The following EXOC6 variants were observed in gnomAD, a reference collection of about 807,000 sequenced individuals.
The protein encoded by EXOC6 is exocyst complex component 6.
EXOC6 carries 60 observed loss-of-function variants against 112.5 expected under a neutral mutation model. That is an observed-to-expected ratio of 0.53 (90% CI 0.43 to 0.66). The LOEUF (loss-of-function observed/expected upper bound fraction) is 0.66. Ranked by LOEUF, EXOC6 falls within the 30% of genes least tolerant of loss-of-function variation. The probability of loss-of-function intolerance (pLI) is 0.00; values close to 1 mark genes in which losing one functional copy is unlikely to be tolerated. For synonymous variants in EXOC6, 295 were observed against 308.0 expected (o/e 0.96, Z 0.44); for missense variants, 855 against 957.1 (o/e 0.89, Z 1.41).
intron 18 of EXOC6, chr10:92,987,521 A>T (rs936800765): frequency 1.2e-5 from 5 of 406,236 alleles, no homozygotes; most frequent in African/African-American, 1.1e-4. Context: ...GTTTTAGAGT[A>T]TATTCCCTTT....
intron 1 of EXOC6, among the ~76,000 whole-genome samples, chr10:92,887,266 C>G (rs746487901): frequency 4.6e-5 from 7 of 151,936 alleles, no homozygotes; most frequent in African/African-American, 9.7e-5. Context: ...TTTCTTGCCT[C>G]TCTCCATTCA....
chr10:93,044,943 G>A (rs1217023646), intron 20 of EXOC6, among the ~76,000 whole-genome samples: 2 of 152,100 alleles, frequency 1.3e-5, no homozygotes, highest in Non-Finnish European at 2.9e-5. Flanking sequence ...TGCAATCTCG[G>A]CTCACTGCAA....
At chr10:93,046,876 G>A (rs1479462888) in intron 20 of EXOC6, among the ~76,000 whole-genome samples, 1 of 152,148 alleles carries the variant, frequency 6.6e-6, no homozygotes, top group African/African-American at 2.4e-5. Flanking sequence ...GGGATTACAG[G>A]TGTGAGCCAC....
chr10:92,847,424 G>T (rs1473770115), upstream of EXOC6, among the ~76,000 whole-genome samples: 1 of 152,214 alleles, frequency 6.6e-6, no homozygotes, highest in Non-Finnish European at 1.5e-5. Context: ...CAGGATGTTT[G>T]TGGGGAGGAG....
chr10:93,002,699 G>A (rs967640005), intron 19 of EXOC6, among the ~76,000 whole-genome samples: 1 of 152,150 alleles, frequency 6.6e-6, no homozygotes, highest in East Asian at 1.9e-4. Context: ...TCACAGTTTG[G>A]CATCTTGCTC....
In EXOC6 at chr10:93,007,318, C is replaced by A. The variant is rs1198949211; in HGVS notation, c.2096-6876C>A. 4.0e-5 allele frequency among the ~76,000 whole-genome samples: 6 copies of A among 151,618 alleles called. No individual in the cohort carries two copies. The East Asian group carries it at 1.2e-3, about 29-fold the overall frequency. On this transcript the variant is annotated intron_variant, in intron 19 of 21. Transcript: ENST00000260762. ...TTTTTTTTTATATATACAAATAACT[C>A]ATGTTTTGCCTACAGGTATTCTTTG...
intron 20 of EXOC6, among the ~76,000 whole-genome samples, chr10:93,042,706 T>A (rs1590097056): frequency 6.6e-6 from 1 of 152,182 alleles, no homozygotes; most frequent in Non-Finnish European, 1.5e-5. Context: ...AGTCACTCGA[T>A]CTGTGGTACT....
At chr10:92,830,339 A>C (rs1357692336), upstream of EXOC6, among the ~76,000 whole-genome samples, 1 of 152,146 alleles carries the variant, frequency 6.6e-6, no homozygotes, top group Non-Finnish European at 1.5e-5. Flanking sequence ...GAATAAACTT[A>C]CTTAAAAAAA....
chr10:92,877,011 TAATAGA>T (rs1163383993), intron 1 of EXOC6, among the ~76,000 whole-genome samples: 1 of 152,218 alleles, frequency 6.6e-6, no homozygotes, highest in Non-Finnish European at 1.5e-5. Flanking sequence ...AGAGCAAGGC[TAATAGA>T]ATCTGCGTAA....
At chr10:92,943,095 C>T (rs963033955) in intron 13 of EXOC6, among the ~76,000 whole-genome samples, 3 of 151,166 alleles carry the variant, frequency 2.0e-5, no homozygotes, top group Admixed American at 1.3e-4. Context: ...GACCTCGGCT[C>T]ACTGCAATCT....
chr10:92,947,762 A>G lies in EXOC6; in HGVS notation c.1311-512A>G, dbSNP rs377195413. Among the ~76,000 whole-genome samples the G allele has an allele frequency of 7.9e-5, 12 of 152,258 alleles. No homozygotes were observed. In the South Asian group the frequency reaches 2.5e-3, roughly 32 times the overall value. ...TTCTTTACTAAAAATAAAATTAGCCAGGCGTGGTGGCACGCGCCTGTAGTC... is the reference window on the plus strand; with the variant it reads ...TTCTTTACTAAAAATAAAATTAGCCGGGCGTGGTGGCACGCGCCTGTAGTC... On this transcript the variant is annotated intron_variant, in intron 13 of 21. Transcript: ENST00000260762.
At chr10:92,966,164 A>G (rs1203887265) in intron 17 of EXOC6, among the ~76,000 whole-genome samples, 2 of 152,044 alleles carry the variant, frequency 1.3e-5, no homozygotes, top group African/African-American at 4.8e-5. Flanking sequence ...TGACAATAAC[A>G]AAAAGCAATA....
rs750975625 is a variant in EXOC6, at chr10:92,859,234, G to T, written c.101+10600G>T. Reference sequence around the variant, plus strand: ...TCATGGGGCAGGTTGTTGTTTGTGTGCTTGTTTAGTGGCTTGTTTGGACTA... The same window carrying T: ...TCATGGGGCAGGTTGTTGTTTGTGTTCTTGTTTAGTGGCTTGTTTGGACTA... On this transcript the variant is annotated intron_variant, in intron 1 of 21. Transcript: ENST00000260762. Among the ~76,000 whole-genome samples, 158 of 152,138 alleles carry T rather than the reference G, an allele frequency of 1.0e-3. 2 individuals are homozygous for T. Among genetic ancestry groups the T allele is most frequent in the Non-Finnish European group, 1.1e-3 (74 of 68,024 alleles).
At chr10:92,967,890 A>T (rs1215983220) in intron 17 of EXOC6, among the ~76,000 whole-genome samples, 1 of 152,168 alleles carries the variant, frequency 6.6e-6, no homozygotes, top group Non-Finnish European at 1.5e-5. Flanking sequence ...TGTGTAGTGA[A>T]CTATATTCAT....
At chr10:92,906,416 T>C (rs1850445633) in intron 5 of EXOC6, among the ~76,000 whole-genome samples, 1 of 152,126 alleles carries the variant, frequency 6.6e-6, no homozygotes, top group Admixed American at 6.6e-5. Context: ...GAAATGGAAA[T>C]ACCCAAGGGA....
At chr10:93,011,696 A>T (rs7071682) in intron 19 of EXOC6, among the ~76,000 whole-genome samples, 13,863 of 148,530 alleles carry the variant, frequency 0.093, 543 homozygotes, top group African/African-American at 0.15. Context: ...ATCGTTTTTC[A>T]GTTAAGATGT....
chr10:92,900,358 T>C (rs1850093408), intron 5 of EXOC6: 1 of 151,882 alleles, frequency 6.6e-6, no homozygotes, highest in Non-Finnish European at 1.5e-5. Flanking sequence ...CAATTTGGAC[T>C]AGGGAAAAAA....
chr10:93,038,570 T>C (rs1350117497), intron 20 of EXOC6, among the ~76,000 whole-genome samples: 3 of 152,222 alleles, frequency 2.0e-5, no homozygotes, highest in African/African-American at 4.8e-5. Context: ...GAATGAGACG[T>C]ATATATACAT....
chr10:92,831,550 C>T (rs576248354), upstream of EXOC6, among the ~76,000 whole-genome samples: 55 of 152,230 alleles, frequency 3.6e-4, 1 homozygote, highest in Non-Finnish European at 6.6e-4. Context: ...TCTCCTGCCT[C>T]AGCCTCCCGA....
Sources: gnomAD v4.1 joint callset for allele counts (sites outside exome capture counted in the v4.1 genomes callset) on GRCh38, gnomAD v4.1.1 for gene constraint, MANE v1.5 for transcripts, NCBI Gene and HGNC (gene_info 2026-07-23, HGNC 2026-07-21) for gene names.